Variants in TRPC7 observed in about 807,000 individuals in gnomAD.
The protein encoded by TRPC7 is transient receptor potential cation channel subfamily C member 7.
TRPC7 carries 42 observed loss-of-function variants against 90.1 expected under a neutral mutation model. The observed-to-expected ratio is 0.47, with a 90% CI of 0.36 to 0.60. The LOEUF is 0.60. TRPC7 is among the 20% of genes least tolerant of loss of function. TRPC7 has a pLI of 0.00. For synonymous variants in TRPC7, 451 were observed against 436.3 expected (o/e 1.03, Z -0.42); for missense variants, 955 against 1,112.3 (o/e 0.86, Z 2.01).
At chr5:136,299,734 C>A (rs1267425216) in intron 3 of TRPC7, among the ~76,000 whole-genome samples, 3 of 152,064 alleles carry the variant, frequency 2.0e-5, no homozygotes, top group African/African-American at 7.2e-5. Context: ...AGTCACAGAT[C>A]CTTGGGGAAG....
At chr5:136,305,880 TG>T (rs1758605446) in intron 3 of TRPC7, among the ~76,000 whole-genome samples, 1 of 152,228 alleles carries the variant, frequency 6.6e-6, no homozygotes, top group Non-Finnish European at 1.5e-5. Flanking sequence ...TAAAAAGGAC[TG>T]GACAATACTT....
At chr5:136,260,224 G>A (rs1328927630) in intron 5 of TRPC7, among the ~76,000 whole-genome samples, 1 of 152,140 alleles carries the variant, frequency 6.6e-6, no homozygotes, top group Non-Finnish European at 1.5e-5. Flanking sequence ...AAAGGAGTCA[G>A]CTACAAATCT....
intron 3 of TRPC7, among the ~76,000 whole-genome samples, chr5:136,276,900 T>C (rs1757382129): frequency 6.6e-6 from 1 of 152,238 alleles, no homozygotes; most frequent in Admixed American, 6.5e-5. Flanking sequence ...GCAGTCACTT[T>C]TGTTTTTCAA....
At chr5:136,339,117 A>G (rs749026788) in intron 2 of TRPC7, among the ~76,000 whole-genome samples, 1 of 152,230 alleles carries the variant, frequency 6.6e-6, no homozygotes, top group East Asian at 1.9e-4. Flanking sequence ...TCAAATCTTG[A>G]TAACTACCTG....
chr5:136,331,268 C>A (rs1759491869), intron 2 of TRPC7, among the ~76,000 whole-genome samples: 4 of 152,166 alleles, frequency 2.6e-5, no homozygotes, highest in Admixed American at 2.6e-4. Flanking sequence ...ACAAAGTATG[C>A]CTAAGCCACT....
chr5:136,249,268 A>AATT (rs1402301436), intron 6 of TRPC7, among the ~76,000 whole-genome samples: 6 of 152,184 alleles, frequency 3.9e-5, no homozygotes, highest in African/African-American at 1.4e-4. Flanking sequence ...TCTGTTAAAT[A>AATT]ATTATAATAA....
At chr5:136,217,773 T>C (rs902695343) in intron 10 of TRPC7, among the ~76,000 whole-genome samples, 1 of 152,042 alleles carries the variant, frequency 6.6e-6, no homozygotes, top group Non-Finnish European at 1.5e-5. Context: ...TCTCAGCACT[T>C]TGGGAGGCCA....
At chr5:136,279,970 T>C (rs1244005813) in intron 3 of TRPC7, among the ~76,000 whole-genome samples, 1 of 151,748 alleles carries the variant, frequency 6.6e-6, no homozygotes, top group African/African-American at 2.4e-5. Flanking sequence ...CTGGCCAACA[T>C]GGTGAAACCC....
rs1016942709 is a variant in TRPC7, at chr5:136,218,046, TATATA to T, written c.2344-1776_2344-1772del. Among the ~76,000 whole-genome samples, 6 of 144,020 alleles carry T rather than the reference TATATA, an allele frequency of 4.2e-5. No individual in the cohort carries two copies. The East Asian group carries it at 5.9e-4, about 14-fold the overall frequency. 94.5% of individuals were successfully genotyped at this position (144,020 alleles called of 152,430 possible). A position where few individuals can be genotyped will look rare whatever the true frequency, so the allele number is the denominator to read the frequency against. On this transcript the variant is annotated intron_variant, in intron 10 of 11. Transcript: ENST00000513104. ...AAAAAAAAAAAGAAAAAAGAATATATATATAATATAATATATAATATATATTTAAG... is the reference window on the plus strand; with the variant it reads ...AAAAAAAAAAAGAAAAAAGAATATATATATAATATATAATATATATTTAAG...
At chr5:136,333,505 G>T (rs966516373) in intron 2 of TRPC7, among the ~76,000 whole-genome samples, 1 of 152,190 alleles carries the variant, frequency 6.6e-6, no homozygotes, top group South Asian at 2.1e-4. Context: ...GGCAGTGAGG[G>T]CCACGAAAAC....
chr5:136,274,545 T>C, intron 4 of TRPC7, 128 bp downstream of exon 4: 1 of 1,013,446 alleles, frequency 9.9e-7, no homozygotes. Context: ...TTTCACCGGG[T>C]ATCTCAGGAA....
At chr5:136,345,840 A>G (rs1759988734) in intron 2 of TRPC7, among the ~76,000 whole-genome samples, 1 of 152,114 alleles carries the variant, frequency 6.6e-6, no homozygotes, top group African/African-American at 2.4e-5. Context: ...TAAGTCTAAC[A>G]TTTAAGTCTT....
intron 2 of TRPC7, among the ~76,000 whole-genome samples, chr5:136,343,208 T>C (rs1272168908): frequency 1.3e-5 from 2 of 152,350 alleles, no homozygotes; most frequent in East Asian, 3.9e-4. Flanking sequence ...AAATAATTTC[T>C]TAACAAGACT....
intron 5 of TRPC7, among the ~76,000 whole-genome samples, chr5:136,253,669 C>G (rs1405354033): frequency 6.6e-6 from 1 of 152,254 alleles, no homozygotes; most frequent in South Asian, 2.1e-4. Context: ...CTCCACTGAC[C>G]TGCTGTTTCC....
Position 136,254,521 on chromosome 5 carries a change from A to G in TRPC7, c.1346-2639T>C, listed in dbSNP as rs117120013. 6.0e-3 allele frequency among the ~76,000 whole-genome samples: 920 copies of G among 152,366 alleles called. 9 individuals are homozygous for G. Among genetic ancestry groups the G allele is most frequent in the East Asian group, 0.032 (167 of 5,190 alleles). On this transcript the variant is annotated intron_variant, in intron 5 of 11. Coordinates refer to ENST00000513104, the MANE Select transcript of TRPC7 (RefSeq NM_020389.3). ...ACAGCGTATCTGTTTACAGCATGGT[A>G]TACTGAATATTTTAAGCCCACTGTT...
chr5:136,246,298 G>A (rs1327703587), intron 7 of TRPC7, among the ~76,000 whole-genome samples: 1 of 152,222 alleles, frequency 6.6e-6, no homozygotes, highest in African/African-American at 2.4e-5. Context: ...GGCTTGCCCA[G>A]CCAGGCATGG....
intron 2 of TRPC7, among the ~76,000 whole-genome samples, chr5:136,317,353 C>T (rs959975467): frequency 1.3e-5 from 2 of 152,240 alleles, no homozygotes; most frequent in East Asian, 1.9e-4. Context: ...TACTATGTAG[C>T]GGACAATGAA....
At chr5:136,301,408 T>A (rs1580924817) in intron 3 of TRPC7, among the ~76,000 whole-genome samples, 1 of 131,986 alleles carries the variant, frequency 7.6e-6, no homozygotes, top group Non-Finnish European at 1.6e-5. Flanking sequence ...AGCCATCACA[T>A]CCCCTGTGAC....
intron 3 of TRPC7, among the ~76,000 whole-genome samples, chr5:136,307,843 A>C (rs1315417682): frequency 1.3e-5 from 2 of 152,230 alleles, no homozygotes; most frequent in African/African-American, 4.8e-5. Context: ...TCAGTATGGC[A>C]AACAGTTTCC....
Sources: gnomAD v4.1 joint callset for allele counts (sites outside exome capture counted in the v4.1 genomes callset) on GRCh38, gnomAD v4.1.1 for gene constraint, MANE v1.5 for transcripts, NCBI Gene and HGNC (gene_info 2026-07-23, HGNC 2026-07-21) for gene names.